Variants in ARHGAP22 observed in about 807,000 individuals in gnomAD.
ARHGAP22 encodes Rho GTPase activating protein 22, also known as rho GTPase-activating protein 22.
Under a neutral mutation model 59.1 loss-of-function variants are expected in ARHGAP22, and 48 were observed. The observed-to-expected ratio is 0.81, with a 90% CI of 0.64 to 1.03. The LOEUF (loss-of-function observed/expected upper bound fraction) is 1.03. ARHGAP22 is among the 50% of genes least tolerant of loss of function. ARHGAP22 has a pLI of 0.00. For missense variants in ARHGAP22, 1,015 were observed against 958.7 expected (o/e 1.06, Z -0.78); for synonymous variants, 445 against 416.4 (o/e 1.07, Z -0.84).
chr10:48,497,043 C>T (rs776950837), intron 3 of ARHGAP22, among the ~76,000 whole-genome samples: 64 of 152,146 alleles, frequency 4.2e-4, no homozygotes, highest in Non-Finnish European at 8.7e-4. Context: ...GACCCTGACT[C>T]TCCCAACTGC....
chr10:48,438,194 ACTT>A, the ARHGAP22 span: 5 of 152,338 alleles, frequency 3.3e-5, no homozygotes, highest in Middle Eastern at 6.8e-3. Flanking sequence ...ACACCAGTAA[ACTT>A]CTCTTACCAG....
chr10:48,649,982 CGGAGGGAGGGAG>C (rs1218166245), intron 1 of ARHGAP22, among the ~76,000 whole-genome samples: 2 of 131,148 alleles, frequency 1.5e-5, no homozygotes, highest in African/African-American at 5.6e-5. Context: ...CTGAGAAAGA[CGGAGGGAGGGAG>C]GGAGGGAGAG....
intron 3 of ARHGAP22, among the ~76,000 whole-genome samples, chr10:48,525,844 G>A (rs2054277159): frequency 6.6e-6 from 1 of 152,222 alleles, no homozygotes. Flanking sequence ...GAAGAATGGA[G>A]TAAAGTGGGT....
chr10:48,606,627 C>T (rs2135940252), upstream of ARHGAP22, among the ~76,000 whole-genome samples: 1 of 152,330 alleles, frequency 6.6e-6, no homozygotes, highest in South Asian at 2.1e-4. Context: ...ATGCCTTGCT[C>T]CTGTGTGTTC....
At chr10:48,612,355 T>C (rs780045821) in intron 1 of ARHGAP22, among the ~76,000 whole-genome samples, 5 of 152,234 alleles carry the variant, frequency 3.3e-5, no homozygotes, top group Non-Finnish European at 7.3e-5. Flanking sequence ...GCTACAAGAA[T>C]GGATCTGCTC....
chr10:48,573,680 T>A (rs2058535648), intron 2 of ARHGAP22, among the ~76,000 whole-genome samples: 1 of 152,372 alleles, frequency 6.6e-6, no homozygotes, highest in African/African-American at 2.4e-5. Context: ...TAGTCTTATC[T>A]CTGAGTGTTT....
intron 4 of ARHGAP22, among the ~76,000 whole-genome samples, chr10:48,478,399 A>G (rs1020603823): frequency 6.6e-6 from 1 of 152,218 alleles, no homozygotes; most frequent in Non-Finnish European, 1.5e-5. Context: ...GGTCAGGTAG[A>G]CCATAGCCAG....
chr10:48,614,375 C>A (rs996950974), intron 1 of ARHGAP22, among the ~76,000 whole-genome samples: 2 of 152,096 alleles, frequency 1.3e-5, no homozygotes, highest in African/African-American at 4.8e-5. Flanking sequence ...AGTAGGGTGC[C>A]AAACTGAAGT....
At chr10:48,566,677 C>T (rs559824706) in intron 2 of ARHGAP22, among the ~76,000 whole-genome samples, 28 of 152,288 alleles carry the variant, frequency 1.8e-4, no homozygotes, top group East Asian at 3.9e-4. Context: ...GACCTGGGAA[C>T]GCCCTGCTTC....
At chr10:48,650,125 C>T (rs1165436601) in intron 1 of ARHGAP22, among the ~76,000 whole-genome samples, 2 of 148,932 alleles carry the variant, frequency 1.3e-5, no homozygotes, top group Admixed American at 6.7e-5. Flanking sequence ...GGGGAAGCCC[C>T]CTCCCCCTGT....
At chr10:48,492,613 G>A (rs1203507648) in intron 3 of ARHGAP22, among the ~76,000 whole-genome samples, 1 of 152,014 alleles carries the variant, frequency 6.6e-6, no homozygotes, top group South Asian at 2.1e-4. Context: ...GAGTGTAGTG[G>A]CACAATCCTG....
intron 1 of ARHGAP22, among the ~76,000 whole-genome samples, chr10:48,588,797 G>A (rs565307274): frequency 7.2e-5 from 11 of 152,364 alleles, no homozygotes; most frequent in South Asian, 6.2e-4. Context: ...CCACCACGGA[G>A]GGATGAAAGA....
chr10:48,561,780 A>T lies in ARHGAP22; in HGVS notation c.235-6230T>A, dbSNP rs530930663. On this transcript the variant is annotated intron_variant, in intron 2 of 9. Coordinates refer to ENST00000249601, the MANE Select transcript of ARHGAP22 (RefSeq NM_021226.4). ...TAGGAAAATGCAAATTAAACCCATA[A>T]TTGGATACCACTACATATCTATTAG... Among the ~76,000 whole-genome samples the T allele has an allele frequency of 9.2e-5, 14 of 152,362 alleles. 1 individual carries two copies. In the South Asian group the frequency reaches 2.7e-3, roughly 29 times the overall value.
At chr10:48,607,457 A>C (rs558804926), upstream of ARHGAP22, among the ~76,000 whole-genome samples, 7 of 152,192 alleles carry the variant, frequency 4.6e-5, no homozygotes, top group Admixed American at 4.6e-4. Context: ...TCCTGAGATG[A>C]AGGGTCCACA....
chr10:48,490,584 C>T (rs2050289631), intron 3 of ARHGAP22, among the ~76,000 whole-genome samples: 1 of 152,214 alleles, frequency 6.6e-6, no homozygotes, highest in Admixed American at 6.5e-5. Flanking sequence ...TCCAAGAATT[C>T]TAAGTGCCGC....
chr10:48,555,493 G>A lies in ARHGAP22; in HGVS notation c.292C>T (p.Pro98Ser). ...CTGATCTCAAAGAGGTGCTTCCCTG[G>A]GTCCTCGGGGCCAGGAGGAAGTTCA... is the stretch of plus-strand genomic sequence containing the variant. ...VTELPPGPED[P>S]GKHLFEISPG... Residue 98 changes from proline to serine, a missense_variant, in exon 3 of 10, where the codon CCA (proline) becomes TCA (serine). Pro to Ser is a moderately conservative substitution (Grantham distance 74). Transcript: ENST00000249601. 6.2e-7 allele frequency: 1 copy of A among 1,614,186 alleles called. No homozygotes were observed. Among genetic ancestry groups the A allele is most frequent in the Non-Finnish European group, 8.5e-7 (1 of 1,180,026 alleles).
the ARHGAP22 span, chr10:48,430,790 C>T: frequency 3.3e-5 from 7 of 209,876 alleles, no homozygotes; most frequent in South Asian, 6.0e-4. Flanking sequence ...GTGCACCAGG[C>T]TCTATTCCAG....
intron 1 of ARHGAP22, among the ~76,000 whole-genome samples, chr10:48,596,859 T>C (rs893656675): frequency 6.6e-6 from 1 of 152,210 alleles, no homozygotes; most frequent in African/African-American, 2.4e-5. Context: ...GGAGGGCCTC[T>C]GTGAGCTGGT....
chr10:48,524,005 T>C, intron 3 of ARHGAP22: 2 of 1,433,004 alleles, frequency 1.4e-6, no homozygotes, highest in South Asian at 1.4e-5. Flanking sequence ...GCTGGCAGCC[T>C]CTGGCGGCGG....
Sources: gnomAD v4.1 joint callset for allele counts (sites outside exome capture counted in the v4.1 genomes callset) on GRCh38, gnomAD v4.1.1 for gene constraint, MANE v1.5 for transcripts, NCBI Gene and HGNC (gene_info 2026-07-23, HGNC 2026-07-21) for gene names.